FRMD6: variants seen among roughly 807,000 people sequenced by gnomAD.
FRMD6 encodes the protein FERM domain-containing protein 6.
Under a neutral mutation model 73.2 loss-of-function variants are expected in FRMD6, and 37 were observed. The observed-to-expected ratio is 0.51, with a 90% CI of 0.39 to 0.66. The LOEUF (loss-of-function observed/expected upper bound fraction) is 0.66. Among genes scored for constraint, FRMD6 ranks in the 30% least tolerant of loss-of-function variants. FRMD6 has a pLI of 0.00. For synonymous variants in FRMD6, 273 were observed against 282.2 expected (o/e 0.97, Z 0.33); for missense variants, 714 against 780.5 (o/e 0.91, Z 1.02).
At chr14:51,430,796 C>A in the FRMD6 span, among the ~76,000 whole-genome samples, 14 of 152,098 alleles carry the variant, frequency 9.2e-5, no homozygotes, top group Non-Finnish European at 1.5e-4. Flanking sequence ...CATTTGTATT[C>A]AAGGGATCTT....
At chr14:51,585,044 A>C (rs574376182) in intron 2 of FRMD6, among the ~76,000 whole-genome samples, 9 of 152,232 alleles carry the variant, frequency 5.9e-5, no homozygotes, top group Non-Finnish European at 1.3e-4. Context: ...AATACACAGT[A>C]GCTGTCATTG....
chr14:51,691,828 C>A (rs4612981), intron 2 of FRMD6, among the ~76,000 whole-genome samples: 1 of 151,634 alleles, frequency 6.6e-6, no homozygotes, highest in African/African-American at 2.4e-5. Context: ...CTCCTGACCT[C>A]ACGTGATCTG....
In FRMD6 at chr14:51,698,186, G is replaced by A; in HGVS notation, c.144G>A (p.Leu48=). The A allele has an allele frequency of 1.2e-6, 2 of 1,612,516 alleles. No homozygotes were observed. Among genetic ancestry groups the A allele is most frequent in the Non-Finnish European group, 1.7e-6 (2 of 1,178,940 alleles). Reference sequence around the variant, plus strand: ...AGTTGCTGGTCCAGGTTTGTGACCTGCTCAGGCTAAAGGACTGCCACCTCT... The same window carrying A: ...AGTTGCTGGTCCAGGTTTGTGACCTACTCAGGCTAAAGGACTGCCACCTCT... ...CHQLLVQVCD[L]LRLKDCHLFG... Residue 48 remains leucine (L), a synonymous_variant, in exon 3 of 14, where the codon CTG becomes CTA. Coordinates refer to ENST00000344768, the MANE Select transcript of FRMD6 (RefSeq NM_001267046.2).
chr14:51,432,848 G>A, the FRMD6 span, among the ~76,000 whole-genome samples: 86 of 152,162 alleles, frequency 5.7e-4, no homozygotes, highest in African/African-American at 2.0e-3. Context: ...AATCCAGGGG[G>A]CAGGGCCTAT....
chr14:51,434,924 C>T, the FRMD6 span, among the ~76,000 whole-genome samples: 1 of 152,080 alleles, frequency 6.6e-6, no homozygotes, highest in Admixed American at 6.5e-5. Context: ...ATTATCAGAT[C>T]AAAGTCTAGG....
At chr14:51,605,290 C>T (rs200321428) in intron 2 of FRMD6, among the ~76,000 whole-genome samples, 3 of 151,718 alleles carry the variant, frequency 2.0e-5, no homozygotes, top group Non-Finnish European at 2.9e-5. Context: ...TGGGGCCTTC[C>T]GCAGTGTTTG....
intron 2 of FRMD6, among the ~76,000 whole-genome samples, chr14:51,580,643 C>A (rs1019413706): frequency 6.6e-6 from 1 of 151,992 alleles, no homozygotes; most frequent in African/African-American, 2.4e-5. Flanking sequence ...GTGGAAGCAT[C>A]GTAAAAAAGC....
intron 1 of FRMD6, among the ~76,000 whole-genome samples, chr14:51,569,219 C>T (rs576640078): frequency 1.2e-4 from 18 of 152,290 alleles, no homozygotes; most frequent in African/African-American, 4.3e-4. Flanking sequence ...GCCTCTCAGA[C>T]ATTTCTGTAT....
chr14:51,655,736 A>G (rs1298387074), intron 1 of FRMD6, among the ~76,000 whole-genome samples: 1 of 152,236 alleles, frequency 6.6e-6, no homozygotes, highest in East Asian at 1.9e-4. Flanking sequence ...TAGCTGAGAA[A>G]AAAGGATCAG....
the FRMD6 span, among the ~76,000 whole-genome samples, chr14:51,480,455 C>T: frequency 1.3e-5 from 2 of 152,100 alleles, no homozygotes; most frequent in African/African-American, 4.8e-5. Context: ...TTTAATGAAT[C>T]TGTATGCCCA....
chr14:51,437,515 G>C, the FRMD6 span, among the ~76,000 whole-genome samples: 1 of 152,158 alleles, frequency 6.6e-6, no homozygotes, highest in Non-Finnish European at 1.5e-5. Flanking sequence ...TGTTAGCCAG[G>C]ATGGCCTCAA....
rs751769216 is a variant in FRMD6, at chr14:51,701,083, C to T, written c.218C>T (p.Ser73Leu). The change falls in exon 4 of 14, where the codon TCA becomes TTA. Residue 73 changes from serine (S) to leucine (L), a missense_variant. By Grantham distance (145) the Ser-to-Leu change is moderately radical. Coordinates refer to ENST00000344768, the MANE Select transcript of FRMD6 (RefSeq NM_001267046.2). Reference protein sequence around the residue: ...QNNEHVYMELSQKLYKYCPKE... With the variant: ...QNNEHVYMELLQKLYKYCPKE... Reference sequence around the variant, plus strand: ...AATGAACATGTGTATATGGAGTTGTCACAAAAGCTTTACAAATATTGTCCA... The same window carrying T: ...AATGAACATGTGTATATGGAGTTGTTACAAAAGCTTTACAAATATTGTCCA... 31 of 1,571,176 alleles carry T rather than the reference C, an allele frequency of 2.0e-5. No homozygotes were observed. Among genetic ancestry groups the T allele is most frequent in the Non-Finnish European group, 2.2e-5 (25 of 1,154,436 alleles).
chr14:51,418,057 C>A, the FRMD6 span, among the ~76,000 whole-genome samples: 13 of 152,214 alleles, frequency 8.5e-5, no homozygotes, highest in Admixed American at 7.2e-4. Flanking sequence ...TTCATCTAAT[C>A]TTTTTTCAAG....
At chr14:51,415,478 C>T in the FRMD6 span, among the ~76,000 whole-genome samples, 2 of 152,162 alleles carry the variant, frequency 1.3e-5, no homozygotes, top group East Asian at 1.9e-4. Flanking sequence ...TATGTTGAAC[C>T]AGCCTTGCAT....
At chr14:51,494,166 T>A (rs1345914780) in intron 1 of FRMD6, among the ~76,000 whole-genome samples, 2 of 152,202 alleles carry the variant, frequency 1.3e-5, no homozygotes, top group African/African-American at 2.4e-5. Flanking sequence ...AATACATTCA[T>A]TGCATCCCAA....
chr14:51,433,948 C>T, the FRMD6 span, among the ~76,000 whole-genome samples: 7 of 152,152 alleles, frequency 4.6e-5, no homozygotes, highest in African/African-American at 7.2e-5. Flanking sequence ...ACGAACTGTA[C>T]GCAAATATCT....
the FRMD6 span, among the ~76,000 whole-genome samples, chr14:51,405,714 T>C: frequency 6.6e-6 from 1 of 152,194 alleles, no homozygotes; most frequent in Non-Finnish European, 1.5e-5. Context: ...TTTAAATTCC[T>C]TATAGATGCT....
chr14:51,488,727 T>A (rs1162068253), upstream of FRMD6, among the ~76,000 whole-genome samples: 2 of 152,246 alleles, frequency 1.3e-5, no homozygotes, highest in Admixed American at 1.3e-4. Flanking sequence ...GTGATAGTAA[T>A]CCTTGCTACT....
upstream of FRMD6, among the ~76,000 whole-genome samples, chr14:51,484,507 C>G (rs533410269): frequency 6.6e-6 from 1 of 152,106 alleles, no homozygotes; most frequent in African/African-American, 2.4e-5. Flanking sequence ...CTACCACCAC[C>G]AGAATAGCCA....
Sources: gnomAD v4.1 joint callset for allele counts (sites outside exome capture counted in the v4.1 genomes callset) on GRCh38, gnomAD v4.1.1 for gene constraint, MANE v1.5 for transcripts, NCBI Gene and HGNC (gene_info 2026-07-23, HGNC 2026-07-21) for gene names.